The following SLC39A12 variants were observed in gnomAD, a reference collection of about 807,000 sequenced individuals.
SLC39A12 encodes the protein zinc transporter ZIP12.
Under a neutral mutation model 71.1 loss-of-function variants are expected in SLC39A12, and 63 were observed. The observed-to-expected ratio is 0.89, with a 90% CI of 0.72 to 1.09. The LOEUF (loss-of-function observed/expected upper bound fraction) is 1.09, where lower values mean the gene tolerates loss of function less well. Among genes scored for constraint, SLC39A12 ranks in the 50% least tolerant of loss-of-function variants. The pLI is 0.00. For synonymous variants in SLC39A12, 351 were observed against 301.3 expected, an observed-to-expected ratio of 1.16 and a Z score of -1.71; for missense variants, 892 against 812.6, an observed-to-expected ratio of 1.10 and a Z score of -1.19.
intron 2 of SLC39A12, among the ~76,000 whole-genome samples, chr10:17,957,611 A>G (rs1343827786): frequency 6.6e-6 from 1 of 152,094 alleles, no homozygotes; most frequent in Non-Finnish European, 1.5e-5. Context: ...ACATTTTGCT[A>G]AATATCCTCT....
intron 4 of SLC39A12, among the ~76,000 whole-genome samples, chr10:17,969,068 C>A (rs1272963549): frequency 6.6e-6 from 1 of 152,170 alleles, no homozygotes; most frequent in Admixed American, 6.5e-5. Context: ...TGGCTTATTT[C>A]ACTTAACATA....
At chr10:17,992,526 A>G (rs1008301299) in intron 8 of SLC39A12, among the ~76,000 whole-genome samples, 3 of 152,186 alleles carry the variant, frequency 2.0e-5, no homozygotes, top group African/African-American at 7.2e-5. Flanking sequence ...CTTTCCTTTC[A>G]CAAAAGAAGT....
chr10:17,963,962 T>G (rs1834758045), intron 3 of SLC39A12, among the ~76,000 whole-genome samples: 1 of 152,200 alleles, frequency 6.6e-6, no homozygotes, highest in Non-Finnish European at 1.5e-5. Context: ...GTGTTTTATC[T>G]TCCTGACTCA....
At chr10:17,953,148 C>T (rs1203247602) in intron 1 of SLC39A12, 43 bp from the exon 2 acceptor site, 24 of 1,168,384 alleles carry the variant, frequency 2.1e-5, no homozygotes, top group Non-Finnish European at 2.5e-5. Flanking sequence ...AAACATGTTG[C>T]AGGCACAATA....
chr10:17,961,802 G>C lies in SLC39A12; in HGVS notation c.483G>C (p.Gln161His), dbSNP rs1834698202. 6.2e-7 allele frequency: 1 copy of C among 1,614,120 alleles called. No individual in the cohort carries two copies. The highest frequency in any genetic ancestry group is 8.5e-7 in the Non-Finnish European group (1 of 1,179,998). ...RQDEDSSFLS[Q>H]NETEDILAFT... ...ATGAAGATTCCTCTTTCCTTTCACA[G>C]AATGAGACAGAAGATATCTTGGCTT... Residue 161 changes from glutamine to histidine, a missense_variant, in exon 3 of 13, where the codon CAG (glutamine) becomes CAC (histidine). Physicochemically the swap from Gln to His is conservative, Grantham distance 24 (BLOSUM62 0). Coordinates refer to ENST00000377369, the MANE Select transcript of SLC39A12 (RefSeq NM_001145195.2).
chr10:18,029,457 G>A (rs1836775742), intron 12 of SLC39A12, among the ~76,000 whole-genome samples: 1 of 152,112 alleles, frequency 6.6e-6, no homozygotes, highest in African/African-American at 2.4e-5. Context: ...TGCACCTACT[G>A]ATTTAGGTTG....
intron 4 of SLC39A12, among the ~76,000 whole-genome samples, chr10:17,967,188 T>C (rs1363763570): frequency 6.6e-6 from 1 of 152,162 alleles, no homozygotes; most frequent in African/African-American, 2.4e-5. Context: ...GTTTGCTGAT[T>C]GCAGTCCTAG....
rs746691202 is a variant in SLC39A12 at position 18,036,794 on chromosome 10, A to ATTT, written c.1948-5902_1948-5900dup. Among the ~76,000 whole-genome samples the ATTT allele has an allele frequency of 2.8e-3, 262 of 92,844 alleles. 16 individuals are homozygous for ATTT. Among genetic ancestry groups the ATTT allele is most frequent in the African/African-American group, 7.6e-3 (169 of 22,260 alleles). The allele number at this position is 92,844 out of a possible 152,430, so 60.9% of individuals were successfully genotyped here. On this transcript the variant is annotated intron_variant, in intron 12 of 12. Transcript: ENST00000377369. ...TATATATATATATATATATATATAT[A>ATTT]TTTTTTTTTTTAATGGAATCTCACT...
intron 12 of SLC39A12, among the ~76,000 whole-genome samples, chr10:18,030,982 AT>A (rs1467080796): frequency 6.6e-6 from 1 of 151,958 alleles, no homozygotes; most frequent in African/African-American, 2.4e-5. Context: ...TGAACTCACC[AT>A]TTTTTATGGC....
At position 18,005,508 on chromosome 10, in the gene SLC39A12, A is replaced by G. The variant is rs1402129550; in HGVS notation, c.1947+2150A>G. 2.0e-5 allele frequency: 3 copies of G among 152,216 alleles called. No homozygotes were observed. The East Asian group carries it at 5.8e-4, about 29-fold the overall frequency. The allele number at this position is 152,216 out of a possible 1,614,324, so 9.4% of individuals were successfully genotyped here. On this transcript the variant is annotated intron_variant, in intron 12 of 12. Coordinates refer to ENST00000377369, the MANE Select transcript of SLC39A12 (RefSeq NM_001145195.2). ...TTCTCTTTATGGGTCAGTTCAGGGCAATTGCTGGATTCTTTTGAAGTTTAC... is the reference window on the plus strand; with the variant it reads ...TTCTCTTTATGGGTCAGTTCAGGGCGATTGCTGGATTCTTTTGAAGTTTAC...
intron 12 of SLC39A12, among the ~76,000 whole-genome samples, chr10:18,039,215 TGAG>T (rs775579443): frequency 2.2e-3 from 330 of 151,526 alleles, no homozygotes; most frequent in Non-Finnish European, 3.2e-3. Context: ...GTTTGAAAAA[TGAG>T]GAGGAGGAGG....
chr10:17,957,175 C>T (rs899886891), intron 2 of SLC39A12, among the ~76,000 whole-genome samples: 8 of 152,146 alleles, frequency 5.3e-5, no homozygotes, highest in Non-Finnish European at 1.0e-4. Context: ...GGCCTGACAG[C>T]TGTCTTACTG....
At chr10:17,994,970 A>C (rs549192430) in intron 9 of SLC39A12, among the ~76,000 whole-genome samples, 1 of 152,322 alleles carries the variant, frequency 6.6e-6, no homozygotes, top group East Asian at 1.9e-4. Context: ...GACGGAAAAT[A>C]TATTTTCAGA....
At chr10:18,003,053 A>C (rs1048392044) in intron 11 of SLC39A12, 118 bp from the exon 12 acceptor site, 7 of 803,946 alleles carry the variant, frequency 8.7e-6, no homozygotes, top group East Asian at 2.5e-5. Flanking sequence ...TGATCACTCA[A>C]CTCTACCTAT....
chr10:18,024,960 A>G (rs1333360131), intron 12 of SLC39A12, among the ~76,000 whole-genome samples: 1 of 152,012 alleles, frequency 6.6e-6, no homozygotes, highest in African/African-American at 2.4e-5. Context: ...CTTTACTTAC[A>G]ATCTATATTT....
chr10:17,987,674 A>C (rs747422479), intron 7 of SLC39A12, 23 bp downstream of exon 7: 6 of 1,612,764 alleles, frequency 3.7e-6, no homozygotes, highest in Non-Finnish European at 5.1e-6. Flanking sequence ...TTTCCATTTC[A>C]GATAAAGTTC....
intron 4 of SLC39A12, among the ~76,000 whole-genome samples, chr10:17,971,292 CTCCCCTTCCT>C (rs1366803315): frequency 2.5e-4 from 32 of 130,326 alleles, no homozygotes; most frequent in African/African-American, 8.8e-4. Context: ...CTCCCCTCCC[CTCCCCTTCCT>C]TTCCTGATGT....
At chr10:18,042,329 AT>A (rs781099800) in intron 12 of SLC39A12, among the ~76,000 whole-genome samples, 5 of 151,980 alleles carry the variant, frequency 3.3e-5, no homozygotes, top group African/African-American at 7.3e-5. Flanking sequence ...AAATGCAAAA[AT>A]TAGCTGGGTG....
intron 12 of SLC39A12, among the ~76,000 whole-genome samples, chr10:18,024,008 G>A (rs1589253565): frequency 6.6e-6 from 1 of 152,316 alleles, no homozygotes; most frequent in African/African-American, 2.4e-5. Context: ...GGCAGAAGGG[G>A]TGGGGGCTGC....
Sources: allele counts gnomAD v4.1 joint callset (sites outside exome capture counted in the v4.1 genomes callset), GRCh38; gene constraint gnomAD v4.1.1; transcripts MANE v1.5; gene names NCBI Gene and HGNC (gene_info 2026-07-23, HGNC 2026-07-21).